The following CDK14 variants were observed in gnomAD, a reference collection of about 807,000 sequenced individuals.
CDK14 encodes cyclin dependent kinase 14.
CDK14 carries 34 observed loss-of-function variants against 60.7 expected under a neutral mutation model. The ratio of observed to expected loss-of-function variants is 0.56; its 90% CI spans 0.43 to 0.75. The LOEUF is 0.75. CDK14 is among the 30% of genes least tolerant of loss of function. CDK14 has a pLI of 0.00. For synonymous variants in CDK14, 197 were observed against 203.7 expected, an observed-to-expected ratio of 0.97 and a Z score of 0.28; for missense variants, 482 against 564.1, an observed-to-expected ratio of 0.85 and a Z score of 1.47.
At chr7:90,638,490 C>A (rs966558790) in intron 2 of CDK14, among the ~76,000 whole-genome samples, 1 of 152,140 alleles carries the variant, frequency 6.6e-6, no homozygotes, top group Non-Finnish European at 1.5e-5. Context: ...GAGTTTCTGC[C>A]GAGAGATCCG....
intron 2 of CDK14, among the ~76,000 whole-genome samples, chr7:90,713,696 AGTT>A (rs1802143630): frequency 6.6e-6 from 1 of 151,576 alleles, no homozygotes; most frequent in Non-Finnish European, 1.5e-5. Flanking sequence ...TTGCAGATAA[AGTT>A]GTTTTTTGTT....
At chr7:90,675,736 G>C (rs1801185406) in intron 2 of CDK14, among the ~76,000 whole-genome samples, 2 of 152,162 alleles carry the variant, frequency 1.3e-5, no homozygotes, top group African/African-American at 4.8e-5. Flanking sequence ...CATGATCTTA[G>C]AGTAATATGA....
chr7:90,990,967 G>A (rs185816371), intron 10 of CDK14, among the ~76,000 whole-genome samples: 5 of 152,246 alleles, frequency 3.3e-5, no homozygotes, highest in East Asian at 3.9e-4. Flanking sequence ...TACTTGCTTC[G>A]AGAATATGGT....
intron 11 of CDK14, among the ~76,000 whole-genome samples, chr7:91,055,837 A>G (rs1201630622): frequency 6.6e-6 from 1 of 152,250 alleles, no homozygotes; most frequent in African/African-American, 2.4e-5. Flanking sequence ...TACTGAAAGA[A>G]CTGTCATCTC....
In CDK14 at chr7:91,099,205, G is replaced by A. The variant is rs142524225; in HGVS notation, c.1155-13337G>A. Among the ~76,000 whole-genome samples, 458 of 152,126 alleles carry A rather than the reference G, an allele frequency of 3.0e-3. 2 individuals carry two copies. The highest frequency in any genetic ancestry group is 0.01 in the African/African-American group (421 of 41,518). ...ACTCCATTTACCATAATGCAGATGC[G>A]CCAATAAGTTACACTTTTTACCAGA... is the stretch of plus-strand genomic sequence containing the variant. On this transcript the variant is annotated intron_variant, in intron 12 of 14. Coordinates refer to ENST00000380050, the MANE Select transcript of CDK14 (RefSeq NM_001287135.2).
At chr7:90,747,624 TTTG>T (rs1803647263) in intron 3 of CDK14, 54 bp from the exon 4 acceptor site, 2 of 987,582 alleles carry the variant, frequency 2.0e-6, no homozygotes, top group African/African-American at 1.7e-5. Context: ...AATCAGGGTA[TTTG>T]TTGTTAATTA....
chr7:91,184,949 A>C (rs552396973), intron 14 of CDK14, among the ~76,000 whole-genome samples: 13 of 151,846 alleles, frequency 8.6e-5, no homozygotes, highest in Non-Finnish European at 1.3e-4. Context: ...AATCCTAGAG[A>C]AGAAGGGCAT....
At chr7:90,761,822 T>C (rs1028231534) in intron 4 of CDK14, among the ~76,000 whole-genome samples, 1 of 152,240 alleles carries the variant, frequency 6.6e-6, no homozygotes, top group Non-Finnish European at 1.5e-5. Flanking sequence ...CTGTTTAAGA[T>C]AGTGCATTCC....
chr7:90,717,559 A>G (rs924085735), intron 2 of CDK14, among the ~76,000 whole-genome samples: 1 of 152,144 alleles, frequency 6.6e-6, no homozygotes, highest in Non-Finnish European at 1.5e-5. Flanking sequence ...TCAGATGCCA[A>G]AGAAACCATG....
intron 2 of CDK14, among the ~76,000 whole-genome samples, chr7:90,714,265 C>T (rs1802165413): frequency 6.6e-6 from 1 of 151,986 alleles, no homozygotes; most frequent in Non-Finnish European, 1.5e-5. Context: ...GCAGCTTATT[C>T]CTCAGGTAAA....
chr7:90,639,982 A>G (rs934571774), intron 2 of CDK14, among the ~76,000 whole-genome samples: 3 of 152,064 alleles, frequency 2.0e-5, no homozygotes, highest in Non-Finnish European at 4.4e-5. Flanking sequence ...AAAGCGCAGT[A>G]TTCGGGTGGG....
At chr7:91,174,262 A>G (rs1422571176) in intron 14 of CDK14, among the ~76,000 whole-genome samples, 2 of 152,152 alleles carry the variant, frequency 1.3e-5, no homozygotes, top group East Asian at 3.9e-4. Flanking sequence ...TGTTAGAAGG[A>G]AAACTAACAA....
chr7:91,061,725 A>G (rs546229950), intron 11 of CDK14, among the ~76,000 whole-genome samples: 18 of 152,336 alleles, frequency 1.2e-4, no homozygotes, highest in African/African-American at 4.3e-4. Flanking sequence ...GATATTGGTG[A>G]ATAGCAAATG....
At chr7:90,605,611 A>G (rs536493521) in intron 2 of CDK14, among the ~76,000 whole-genome samples, 1 of 152,304 alleles carries the variant, frequency 6.6e-6, no homozygotes, top group East Asian at 1.9e-4. Context: ...TTGTAAAGAA[A>G]GTTTCCCCTC....
intron 2 of CDK14, among the ~76,000 whole-genome samples, chr7:90,683,665 G>C (rs1257026248): frequency 2.0e-5 from 3 of 152,202 alleles, no homozygotes; most frequent in African/African-American, 4.8e-5. Context: ...GCTGGGCGTC[G>C]TGGCACATGC....
chr7:90,656,739 G>A (rs148945716), intron 2 of CDK14, among the ~76,000 whole-genome samples: 1 of 152,256 alleles, frequency 6.6e-6, no homozygotes, highest in East Asian at 1.9e-4. Flanking sequence ...CTTAATGGAA[G>A]CATTCCAGTC....
chr7:90,806,148 A>G (rs1319145875), intron 5 of CDK14, among the ~76,000 whole-genome samples: 2 of 152,212 alleles, frequency 1.3e-5, no homozygotes, highest in African/African-American at 4.8e-5. Context: ...AAATTGATCA[A>G]AGACCTCAGT....
chr7:90,705,719 T>G (rs1801883604), intron 2 of CDK14, among the ~76,000 whole-genome samples: 1 of 150,534 alleles, frequency 6.6e-6, no homozygotes. Context: ...TGTGGTGATA[T>G]TAGAAGGAAG....
At chr7:90,936,520 A>C (rs1233922752) in intron 8 of CDK14, among the ~76,000 whole-genome samples, 2 of 152,178 alleles carry the variant, frequency 1.3e-5, no homozygotes, top group East Asian at 3.8e-4. Flanking sequence ...ATAGCTTTTT[A>C]TCTCTTTTTT....
Sources: allele counts gnomAD v4.1 joint callset (sites outside exome capture counted in the v4.1 genomes callset), GRCh38; gene constraint gnomAD v4.1.1; transcripts MANE v1.5; gene names NCBI Gene and HGNC (gene_info 2026-07-23, HGNC 2026-07-21).